LDHAL6A: variants seen among roughly 807,000 people sequenced by gnomAD.
LDHAL6A encodes the protein lactate dehydrogenase A like 6A.
Under a neutral mutation model 28.2 loss-of-function variants are expected in LDHAL6A, and 19 were observed. The observed-to-expected ratio is 0.67, with a 90% CI of 0.47 to 0.99. LDHAL6A has a LOEUF of 0.99. LDHAL6A is among the 50% of genes least tolerant of loss of function. The pLI, the probability that LDHAL6A is intolerant of heterozygous loss-of-function variation, is 0.00. For synonymous variants in LDHAL6A, 144 were observed against 134.4 expected (o/e 1.07, Z -0.49); for missense variants, 372 against 398.6 (o/e 0.93, Z 0.57).
In LDHAL6A at chr11:18,456,269, C is replaced by T. The variant is rs1848750998; in HGVS notation, c.-412C>T. 1 of 180,436 alleles carries T rather than the reference C, an allele frequency of 5.5e-6. No homozygotes were observed. 11.2% of individuals were successfully genotyped at this position (180,436 alleles called of 1,614,324 possible). A position where few individuals can be genotyped will look rare whatever the true frequency, so the allele number is the denominator to read the frequency against. ...TACCTCTCACCTGGACCTGCGGACCCCGGGCGCAGTCCTGGAGCTGAGAAC... is the reference window on the plus strand; with the variant it reads ...TACCTCTCACCTGGACCTGCGGACCTCGGGCGCAGTCCTGGAGCTGAGAAC... On this transcript the variant is annotated 5_prime_UTR_variant, in exon 1 of 7. Coordinates refer to ENST00000280706, the MANE Select transcript of LDHAL6A (RefSeq NM_144972.5).
chr11:18,464,122 A>C, intron 2 of LDHAL6A, 44 bp downstream of exon 2: 1 of 1,257,970 alleles, frequency 7.9e-7, no homozygotes, highest in East Asian at 2.3e-5. Flanking sequence ...AATATACATG[A>C]ACAAGTATCT....
intron 1 of LDHAL6A, 39 bp downstream of exon 1, chr11:18,456,845 T>G (rs766264540): frequency 1.3e-6 from 2 of 1,591,296 alleles, no homozygotes; most frequent in Non-Finnish European, 8.5e-7. Flanking sequence ...TCACCTCAGT[T>G]GGAGGCGAGG....
At position 18,463,077 on chromosome 11, in the gene LDHAL6A, A is replaced by G. The variant is rs146027553; in HGVS notation, c.127-884A>G. Among the ~76,000 whole-genome samples, 37 of 152,166 alleles carry G rather than the reference A, an allele frequency of 2.4e-4. 1 individual carries two copies. The highest frequency in any genetic ancestry group is 8.4e-4 in the African/African-American group (35 of 41,522). On this transcript the variant is annotated intron_variant, in intron 1 of 6. Transcript: ENST00000280706. ...AACTGTCTGATTATAGAACTAAAAT[A>G]TTTTTGAGTTGGAAGGAGCCCTATA...
At chr11:18,465,513 C>CTA in intron 2 of LDHAL6A, 124 bp from the exon 3 acceptor site, 3 of 619,512 alleles carry the variant, frequency 4.8e-6, no homozygotes, top group Non-Finnish European at 8.0e-6. Context: ...TCTAGGCATA[C>CTA]TAGAAGATTT....
At chr11:18,469,178 G>T (rs1451599890) in intron 3 of LDHAL6A, 1 of 637,918 alleles carries the variant, frequency 1.6e-6, no homozygotes, top group African/African-American at 1.9e-5. Flanking sequence ...ACCTGGTGGA[G>T]CTCCTTCATT....
Position 18,466,717 on chromosome 11 carries a change from G to T in LDHAL6A, c.418+907G>T, listed in dbSNP as rs547766898. ...ATATGCTTAATCATATGAGTTCAAG[G>T]TTTATATTCTAAAGGCTGAGGTTTG... On this transcript the variant is annotated intron_variant, in intron 3 of 6. Transcript: ENST00000280706. Among the ~76,000 whole-genome samples, 5 of 151,598 alleles carry T rather than the reference G, an allele frequency of 3.3e-5. No homozygotes were observed. In the South Asian group the frequency reaches 1.0e-3, roughly 32 times the overall value.
intron 1 of LDHAL6A, among the ~76,000 whole-genome samples, chr11:18,462,142 C>T (rs1370324064): frequency 2.0e-5 from 3 of 152,058 alleles, no homozygotes; most frequent in African/African-American, 7.2e-5. Flanking sequence ...TACTGTACTC[C>T]TACCTGGGGG....
intron 3 of LDHAL6A, among the ~76,000 whole-genome samples, chr11:18,467,991 G>A (rs36174399): frequency 0.42 from 24,235 of 58,022 alleles, 6,589 homozygotes; most frequent in African/African-American, 0.66. Context: ...GTATATATAT[G>A]CATATATATA....
At chr11:18,459,564 C>G (rs1375178775) in intron 1 of LDHAL6A, among the ~76,000 whole-genome samples, 1 of 152,124 alleles carries the variant, frequency 6.6e-6, no homozygotes, top group Non-Finnish European at 1.5e-5. Context: ...CCTTTCATAT[C>G]GACATCTATC....
intron 3 of LDHAL6A, among the ~76,000 whole-genome samples, chr11:18,471,207 G>T (rs1849249982): frequency 6.9e-6 from 1 of 145,450 alleles, no homozygotes; most frequent in Admixed American, 6.9e-5. Context: ...CTAAACTTTA[G>T]AAGTTTTTTT....
At chr11:18,475,819 A>AAAC (rs1226309184) in intron 4 of LDHAL6A, 180 bp downstream of exon 4, 1 of 516,796 alleles carries the variant, frequency 1.9e-6, no homozygotes, top group African/African-American at 1.9e-5. Flanking sequence ...TACAGATTTG[A>AAAC]AAAATGTGAG....
intron 3 of LDHAL6A, among the ~76,000 whole-genome samples, chr11:18,467,898 T>TATATATATATATATACACACAC (rs1242785580): frequency 8.8e-5 from 6 of 68,202 alleles, no homozygotes; most frequent in African/African-American, 5.1e-4. Flanking sequence ...TATATATATA[T>TATATATATATATATACACACAC]ATATATATAT....
intron 2 of LDHAL6A, among the ~76,000 whole-genome samples, chr11:18,464,977 G>GGTTTTTTT (rs1849013400): frequency 2.4e-5 from 3 of 125,566 alleles, no homozygotes; most frequent in South Asian, 5.0e-4. Context: ...TGTTTTTTTT[G>GGTTTTTTT]TTTTTTTTTG....
chr11:18,464,389 TAG>T (rs1848996792), intron 2 of LDHAL6A, among the ~76,000 whole-genome samples: 2 of 152,276 alleles, frequency 1.3e-5, no homozygotes, highest in Admixed American at 1.3e-4. Context: ...AACTCTATTT[TAG>T]AGATGATGTA....
chr11:18,476,555 T>C, intron 5 of LDHAL6A, 54 bp downstream of exon 5: 9 of 1,582,842 alleles, frequency 5.7e-6, no homozygotes, highest in Non-Finnish European at 7.7e-6. Flanking sequence ...GCCTGAACTC[T>C]GTTAGAAGGT....
At position 18,478,838 on chromosome 11, in the gene LDHAL6A, CTT is replaced by C; in HGVS notation, c.969_970del (p.Trp324GlyfsTer19). 1 of 1,612,922 alleles carries C rather than the reference CTT, an allele frequency of 6.2e-7. No individual in the cohort carries two copies. Among genetic ancestry groups the C allele is most frequent in the Non-Finnish European group, 8.5e-7 (1 of 1,179,814 alleles). On this transcript the variant is annotated frameshift_variant, in exon 7 of 7. Transcript: ENST00000280706. LOFTEE classifies it high-confidence loss of function. Reference sequence around the variant, plus strand: ...CTGCTTGCAAAAGAGTGCAGAAACACTTTGGGAAATTCAGAAGGAGCTCAAGC... The same window carrying C: ...CTGCTTGCAAAAGAGTGCAGAAACACTGGGAAATTCAGAAGGAGCTCAAGC... ...EACLQKSAET[L>X]WEIQKELKL
At chr11:18,468,583 G>A (rs950852417) in intron 3 of LDHAL6A, 6 of 151,956 alleles carry the variant, frequency 3.9e-5, no homozygotes, top group African/African-American at 1.5e-4. Context: ...GAACTGATCT[G>A]CCCACCTCAG....
intron 6 of LDHAL6A, 76 bp downstream of exon 6, chr11:18,477,819 G>T: frequency 1.4e-6 from 2 of 1,417,766 alleles, no homozygotes; most frequent in South Asian, 1.4e-5. Context: ...AGGCACTCTG[G>T]TTTTGGGTTT....
intron 3 of LDHAL6A, among the ~76,000 whole-genome samples, chr11:18,471,812 G>A: frequency 1.4e-5 from 2 of 140,986 alleles, no homozygotes; most frequent in African/African-American, 5.2e-5. Flanking sequence ...AATCTACCCA[G>A]AATGGCTTAT....
Sources: gnomAD v4.1 joint callset for allele counts (sites outside exome capture counted in the v4.1 genomes callset) on GRCh38, gnomAD v4.1.1 for gene constraint, MANE v1.5 for transcripts, NCBI Gene and HGNC (gene_info 2026-07-23, HGNC 2026-07-21) for gene names.